The following GMDS variants were observed in gnomAD, a reference collection of about 807,000 sequenced individuals.
GMDS encodes GDP-mannose 4,6-dehydratase, also known as GDP-mannose 4,6 dehydratase.
Under a neutral mutation model 49.9 loss-of-function variants are expected in GMDS, and 20 were observed. The ratio of observed to expected loss-of-function variants is 0.40; its 90% CI spans 0.28 to 0.58. The LOEUF is 0.58. Ranked by LOEUF, GMDS falls within the 20% of genes least tolerant of loss-of-function variation. GMDS has a pLI of 0.42. For synonymous variants in GMDS, 177 were observed against 178.6 expected (o/e 0.99, Z 0.07); for missense variants, 362 against 481.4 (o/e 0.75, Z 2.32).
At chr6:1,851,744 A>G (rs1757684102) in intron 7 of GMDS, among the ~76,000 whole-genome samples, 1 of 152,234 alleles carries the variant, frequency 6.6e-6, no homozygotes. Context: ...GAAAAAAAAG[A>G]AAAGCTGGAG....
chr6:1,662,902 G>A (rs964932810), intron 9 of GMDS, among the ~76,000 whole-genome samples: 3 of 152,180 alleles, frequency 2.0e-5, no homozygotes, highest in African/African-American at 7.2e-5. Flanking sequence ...CACAGATTCA[G>A]AAGCAAAACT....
chr6:1,880,075 T>C (rs916840728), intron 7 of GMDS, among the ~76,000 whole-genome samples: 2 of 151,976 alleles, frequency 1.3e-5, no homozygotes, highest in Non-Finnish European at 2.9e-5. Flanking sequence ...TAAATAGAGT[T>C]TCTATTACAG....
intron 9 of GMDS, among the ~76,000 whole-genome samples, chr6:1,688,390 C>T (rs1172050599): frequency 6.6e-6 from 1 of 152,234 alleles, no homozygotes; most frequent in East Asian, 1.9e-4. Context: ...GCACGTGGAG[C>T]GTGCTGTGTG....
chr6:1,842,843 C>T (rs1046288580), intron 7 of GMDS, among the ~76,000 whole-genome samples: 1 of 152,066 alleles, frequency 6.6e-6, no homozygotes, highest in Non-Finnish European at 1.5e-5. Context: ...AGCCAGGAGC[C>T]GTGGCTCACA....
intron 4 of GMDS, among the ~76,000 whole-genome samples, chr6:1,986,727 C>T (rs1765572108): frequency 6.6e-6 from 1 of 152,126 alleles, no homozygotes; most frequent in Non-Finnish European, 1.5e-5. Flanking sequence ...ATTAGTTTTG[C>T]TTATCTCTCC....
At chr6:2,227,093 G>A (rs950987394) in intron 1 of GMDS, among the ~76,000 whole-genome samples, 2 of 151,912 alleles carry the variant, frequency 1.3e-5, no homozygotes. Flanking sequence ...TTTTCCCCCT[G>A]AAACTTTATA....
At chr6:1,799,679 A>C (rs2113654680) in intron 7 of GMDS, among the ~76,000 whole-genome samples, 1 of 152,214 alleles carries the variant, frequency 6.6e-6, no homozygotes, top group South Asian at 2.1e-4. Context: ...GAGAATTAAA[A>C]CTGGAGGGAG....
chr6:1,636,997 C>T (rs1171555409), intron 9 of GMDS, among the ~76,000 whole-genome samples: 1 of 152,240 alleles, frequency 6.6e-6, no homozygotes, highest in African/African-American at 2.4e-5. Flanking sequence ...CCTGCTGGTG[C>T]TCGCATAACA....
intron 7 of GMDS, among the ~76,000 whole-genome samples, chr6:1,832,563 G>C (rs940987337): frequency 6.6e-6 from 1 of 152,080 alleles, no homozygotes; most frequent in Non-Finnish European, 1.5e-5. Flanking sequence ...CATTACACAA[G>C]CAGTAACTTG....
chr6:1,673,830 A>C (rs749645708), intron 9 of GMDS, among the ~76,000 whole-genome samples: 13 of 151,932 alleles, frequency 8.6e-5, no homozygotes, highest in Non-Finnish European at 1.6e-4. Flanking sequence ...ATTTAGCGAC[A>C]TACATTTAAG....
intron 7 of GMDS, among the ~76,000 whole-genome samples, chr6:1,777,685 A>G (rs745965504): frequency 6.6e-6 from 1 of 152,190 alleles, no homozygotes; most frequent in Non-Finnish European, 1.5e-5. Flanking sequence ...ATAGAACTAG[A>G]GTTTAAATTA....
chr6:2,055,107 G>C (rs1347922095), intron 4 of GMDS, among the ~76,000 whole-genome samples: 1 of 152,090 alleles, frequency 6.6e-6, no homozygotes, highest in African/African-American at 2.4e-5. Flanking sequence ...GGTGATGACA[G>C]AGTCAGTAAA....
intron 7 of GMDS, among the ~76,000 whole-genome samples, chr6:1,797,053 T>C (rs1285387785): frequency 6.6e-6 from 1 of 152,202 alleles, no homozygotes; most frequent in Non-Finnish European, 1.5e-5. Flanking sequence ...GTATATGGCC[T>C]GTTAGGAACT....
At chr6:1,991,864 T>C (rs1765963531) in intron 4 of GMDS, among the ~76,000 whole-genome samples, 1 of 152,182 alleles carries the variant, frequency 6.6e-6, no homozygotes. Context: ...GTGACTGGTG[T>C]CCTTGTGAGG....
At chr6:2,222,050 G>A (rs183560134) in intron 1 of GMDS, among the ~76,000 whole-genome samples, 202 of 152,286 alleles carry the variant, frequency 1.3e-3, no homozygotes, top group Non-Finnish European at 2.4e-3. Context: ...ATAATGAAAA[G>A]CAACAATGTT....
intron 8 of GMDS, among the ~76,000 whole-genome samples, chr6:1,734,862 AATG>A (rs1205293801): frequency 6.6e-6 from 1 of 152,212 alleles, no homozygotes; most frequent in Non-Finnish European, 1.5e-5. Context: ...AAATAATAAT[AATG>A]ATAATGGTAA....
At chr6:2,086,341 C>T (rs1022192347) in intron 4 of GMDS, among the ~76,000 whole-genome samples, 1 of 152,214 alleles carries the variant, frequency 6.6e-6, no homozygotes, top group Admixed American at 6.5e-5. Context: ...TTTGTGCTAA[C>T]ACACAAGTCA....
At chr6:2,073,474 T>G (rs77302185) in intron 4 of GMDS, among the ~76,000 whole-genome samples, 2,541 of 152,308 alleles carry the variant, frequency 0.017, 53 homozygotes, top group South Asian at 0.11. Flanking sequence ...TTCATCACCT[T>G]GGGTATTTAT....
intron 4 of GMDS, among the ~76,000 whole-genome samples, chr6:2,022,280 T>G (rs1236424396): frequency 2.0e-5 from 3 of 152,102 alleles, no homozygotes; most frequent in African/African-American, 7.2e-5. Context: ...AGGGCAAACC[T>G]TCAAGGTACT....
Sources: allele counts gnomAD v4.1 joint callset (sites outside exome capture counted in the v4.1 genomes callset), GRCh38; gene constraint gnomAD v4.1.1; transcripts MANE v1.5; gene names NCBI Gene and HGNC (gene_info 2026-07-23, HGNC 2026-07-21).